CDH18: variants seen among roughly 807,000 people sequenced by gnomAD.
CDH18 encodes the protein cadherin 18, also known as cadherin-18.
Under a neutral mutation model 67.9 loss-of-function variants are expected in CDH18, and 31 were observed. The ratio of observed to expected loss-of-function variants is 0.46; its 90% CI spans 0.34 to 0.62. CDH18 has a LOEUF of 0.62. Among genes scored for constraint, CDH18 ranks in the 20% least tolerant of loss-of-function variants. The pLI, the probability that CDH18 is intolerant of heterozygous loss-of-function variation, is 0.01. For missense variants in CDH18, 890 were observed against 975.5 expected (o/e 0.91, Z 1.17); for synonymous variants, 362 against 347.2 (o/e 1.04, Z -0.48).
intron 1 of CDH18, among the ~76,000 whole-genome samples, chr5:20,514,556 A>T (rs771231650): frequency 1.2e-4 from 19 of 152,090 alleles, no homozygotes; most frequent in Non-Finnish European, 2.1e-4. Flanking sequence ...GTGGCAAGTG[A>T]CATATGTACA....
At chr5:19,945,865 A>AT (rs896288269) in intron 2 of CDH18, among the ~76,000 whole-genome samples, 4 of 152,112 alleles carry the variant, frequency 2.6e-5, no homozygotes, top group Non-Finnish European at 5.9e-5. Flanking sequence ...AATCATTTTG[A>AT]TTTTTTGGGA....
intron 2 of CDH18, among the ~76,000 whole-genome samples, chr5:20,002,241 A>G (rs1298300524): frequency 6.6e-6 from 1 of 152,226 alleles, no homozygotes; most frequent in Non-Finnish European, 1.5e-5. Flanking sequence ...CATTTAATTA[A>G]CCATTTCTGA....
At position 19,481,082 on chromosome 5, in the gene CDH18, C is replaced by A. The variant is rs567998646; in HGVS notation, c.1882+2219G>T. On this transcript the variant is annotated intron_variant, in intron 12 of 12. Coordinates refer to ENST00000382275, the MANE Select transcript of CDH18 (RefSeq NM_004934.5). ...CTACACAGCATAATGCTCCTTGATACCCTCTTTTCCCTCAACGTTTGTGAC... is the reference window on the plus strand; with the variant it reads ...CTACACAGCATAATGCTCCTTGATAACCTCTTTTCCCTCAACGTTTGTGAC... 1.3e-4 allele frequency among the ~76,000 whole-genome samples: 20 copies of A among 152,214 alleles called. 1 individual carries two copies. The highest frequency in any genetic ancestry group is 1.1e-3 in the Admixed American group (17 of 15,284).
At chr5:19,618,293 C>T (rs1356375789) in intron 5 of CDH18, among the ~76,000 whole-genome samples, 2 of 151,946 alleles carry the variant, frequency 1.3e-5, no homozygotes, top group South Asian at 2.1e-4. Flanking sequence ...GCAACCTCTG[C>T]CTCTCGGGTT....
At chr5:20,572,783 T>G (rs74460327) in intron 1 of CDH18, among the ~76,000 whole-genome samples, 2,797 of 152,146 alleles carry the variant, frequency 0.018, 45 homozygotes, top group Non-Finnish European at 0.028. Context: ...ATGGCTAAAA[T>G]GAGTAATCAG....
At chr5:20,524,385 A>G (rs1755920479) in intron 1 of CDH18, among the ~76,000 whole-genome samples, 1 of 152,204 alleles carries the variant, frequency 6.6e-6, no homozygotes, top group African/African-American at 2.4e-5. Context: ...ATTAAAGACA[A>G]TGTTTGTTTA....
intron 6 of CDH18, among the ~76,000 whole-genome samples, chr5:19,602,187 T>C (rs964606345): frequency 7.2e-5 from 11 of 152,032 alleles, no homozygotes; most frequent in African/African-American, 2.7e-4. Context: ...CATGATCTTA[T>C]ACATAGAAAG....
intron 2 of CDH18, among the ~76,000 whole-genome samples, chr5:20,049,046 C>T (rs1344126473): frequency 6.6e-6 from 1 of 151,670 alleles, no homozygotes. Flanking sequence ...TTCTGAAAAT[C>T]TGCTTTATTT....
rs1247674252 is a variant in CDH18, at chr5:20,489,676, A to T, written c.-580+85786T>A. Among the ~76,000 whole-genome samples the T allele has an allele frequency of 2.6e-5, 4 of 152,012 alleles. No individual in the cohort carries two copies. The East Asian group carries it at 7.7e-4, about 29-fold the overall frequency. Reference sequence around the variant, plus strand: ...TCTGTTTCTTACATTTTTACTTCCAATTATGCCTTAGGTTAAAGAAAATCA... The same window carrying T: ...TCTGTTTCTTACATTTTTACTTCCATTTATGCCTTAGGTTAAAGAAAATCA... On this transcript the variant is annotated intron_variant, in intron 1 of 14. Coordinates refer to the CDH18 transcript ENST00000507958.
At chr5:20,127,043 G>C (rs537975659) in intron 2 of CDH18, among the ~76,000 whole-genome samples, 177 of 152,254 alleles carry the variant, frequency 1.2e-3, no homozygotes, top group African/African-American at 3.9e-3. Context: ...GTTTGGCTCT[G>C]TGTCCCCACC....
intron 5 of CDH18, among the ~76,000 whole-genome samples, chr5:19,619,298 A>T (rs555189665): frequency 8.3e-4 from 126 of 152,358 alleles, no homozygotes; most frequent in Non-Finnish European, 1.6e-3. Flanking sequence ...TGCTATGATT[A>T]GAATGTTCAA....
At chr5:19,917,083 A>G (rs1259517683) in intron 2 of CDH18, among the ~76,000 whole-genome samples, 2 of 152,216 alleles carry the variant, frequency 1.3e-5, no homozygotes, top group Non-Finnish European at 2.9e-5. Context: ...TTGTCTAAAT[A>G]TTAACTTCAT....
chr5:20,071,558 A>G (rs1053144487), intron 2 of CDH18, among the ~76,000 whole-genome samples: 4 of 152,058 alleles, frequency 2.6e-5, no homozygotes, highest in Non-Finnish European at 4.4e-5. Flanking sequence ...TTAAATTGAG[A>G]TTTTTATTTA....
chr5:20,480,048 G>T (rs1752685939), intron 1 of CDH18, among the ~76,000 whole-genome samples: 1 of 152,140 alleles, frequency 6.6e-6, no homozygotes, highest in Non-Finnish European at 1.5e-5. Context: ...ATATCCTTCA[G>T]ACATGAAAGA....
chr5:19,700,118 C>A (rs1263596177), intron 5 of CDH18, among the ~76,000 whole-genome samples: 2 of 152,106 alleles, frequency 1.3e-5, no homozygotes, highest in Non-Finnish European at 2.9e-5. Flanking sequence ...TGTAAAGTAG[C>A]AATCATCTTA....
At chr5:20,166,061 C>T (rs191790588) in intron 2 of CDH18, among the ~76,000 whole-genome samples, 27 of 152,142 alleles carry the variant, frequency 1.8e-4, no homozygotes, top group Admixed American at 2.6e-4. Context: ...AAAATAATGC[C>T]CTACCAGGAA....
Position 19,832,084 on chromosome 5 carries a change from T to G in CDH18, c.228+6675A>C, listed in dbSNP as rs1581551642. Among the ~76,000 whole-genome samples the G allele has an allele frequency of 2.0e-5, 3 of 152,070 alleles. No homozygotes were observed. The Middle Eastern group carries it at 0.01, about 517-fold the overall frequency. ...TTCATGGATATAAAGATATGAACAT[T>G]AGACAGGGGACTACAAGCGGGGGTG... On this transcript the variant is annotated intron_variant, in intron 3 of 12. Coordinates refer to ENST00000382275, the MANE Select transcript of CDH18 (RefSeq NM_004934.5).
intron 2 of CDH18, among the ~76,000 whole-genome samples, chr5:19,893,434 A>C (rs550179863): frequency 6.6e-6 from 1 of 152,324 alleles, no homozygotes; most frequent in South Asian, 2.1e-4. Flanking sequence ...GAATTGCTGA[A>C]TCACACAGAG....
intron 2 of CDH18, among the ~76,000 whole-genome samples, chr5:20,112,425 C>T (rs1199175009): frequency 6.6e-6 from 1 of 152,114 alleles, no homozygotes; most frequent in African/African-American, 2.4e-5. Flanking sequence ...TTCTATATGC[C>T]TGGCTGTTAT....
Sources: gnomAD v4.1 joint callset for allele counts (sites outside exome capture counted in the v4.1 genomes callset) on GRCh38, gnomAD v4.1.1 for gene constraint, MANE v1.5 for transcripts, NCBI Gene and HGNC (gene_info 2026-07-23, HGNC 2026-07-21) for gene names.